The following SETD7 variants were observed in gnomAD, a reference collection of about 807,000 sequenced individuals.
SETD7 encodes the protein histone-lysine N-methyltransferase SETD7.
In SETD7, 16 loss-of-function variants were observed where a neutral mutation model predicts 41.8. The ratio of observed to expected loss-of-function variants is 0.38; its 90% CI spans 0.26 to 0.58. The LOEUF is 0.58. SETD7 is among the 20% of genes least tolerant of loss of function. The probability of loss-of-function intolerance (pLI) is 0.64; values close to 1 mark genes in which losing one functional copy is unlikely to be tolerated. For synonymous variants in SETD7, 163 were observed against 169.7 expected, an observed-to-expected ratio of 0.96 and a Z score of 0.31; for missense variants, 346 against 459.7, an observed-to-expected ratio of 0.75 and a Z score of 2.26.
intron 6 of SETD7, among the ~76,000 whole-genome samples, chr4:139,519,523 C>T (rs1026434771): frequency 3.9e-5 from 6 of 152,206 alleles, no homozygotes; most frequent in South Asian, 2.1e-4. Flanking sequence ...AGTTTGAATA[C>T]GTCGCCCTCT....
downstream of SETD7, among the ~76,000 whole-genome samples, chr4:139,504,222 AGATG>A (rs1456637170): frequency 1.3e-5 from 2 of 152,260 alleles, 1 homozygote; most frequent in East Asian, 3.8e-4. Context: ...GTAGCAATCT[AGATG>A]GATCCATTAA....
intron 1 of SETD7, among the ~76,000 whole-genome samples, chr4:139,554,092 T>C (rs932319661): frequency 1.3e-5 from 2 of 152,312 alleles, no homozygotes; most frequent in Middle Eastern, 3.4e-3. Context: ...TGAGTGACCA[T>C]GTGTCCCAGA....
intron 3 of SETD7, among the ~76,000 whole-genome samples, chr4:139,529,730 C>A (rs4863659): frequency 0.033 from 4,958 of 152,254 alleles, 273 homozygotes; most frequent in African/African-American, 0.11. Flanking sequence ...TTCAAATGTA[C>A]TTAAGAATTA....
At chr4:139,544,260 T>C (rs1727865459) in intron 2 of SETD7, among the ~76,000 whole-genome samples, 1 of 146,428 alleles carries the variant, frequency 6.8e-6, no homozygotes, top group African/African-American at 2.5e-5. Flanking sequence ...GGCACTGCAC[T>C]CCAGCCTGGG....
intron 4 of SETD7, among the ~76,000 whole-genome samples, chr4:139,524,650 A>G (rs1356896806): frequency 6.6e-6 from 1 of 152,106 alleles, no homozygotes; most frequent in Non-Finnish European, 1.5e-5. Flanking sequence ...CTTTGGCCAA[A>G]CTCAGACAGA....
At chr4:139,533,805 T>C (rs1476799724) in intron 2 of SETD7, among the ~76,000 whole-genome samples, 1 of 152,218 alleles carries the variant, frequency 6.6e-6, no homozygotes. Context: ...TAATCTCTAA[T>C]GATAGAAATG....
rs1726771219 is a variant in SETD7, at chr4:139,508,466, A to G, written c.*3197T>C. On this transcript the variant is annotated 3_prime_UTR_variant, in exon 8 of 8. Coordinates refer to ENST00000274031, the MANE Select transcript of SETD7 (RefSeq NM_030648.4). ...TTTTTGTTAGTCCATTCAAATGTCC[A>G]TTTGGGGACATGCTCCTACAGGTTA... 1 of 152,172 alleles carries G rather than the reference A, an allele frequency of 6.6e-6. No individual in the cohort carries two copies. Among genetic ancestry groups the G allele is most frequent in the Non-Finnish European group, 1.5e-5 (1 of 68,028 alleles). 9.4% of individuals were successfully genotyped at this position (152,172 alleles called of 1,614,324 possible). A position where few individuals can be genotyped will look rare whatever the true frequency, so the allele number is the denominator to read the frequency against.
intron 7 of SETD7, among the ~76,000 whole-genome samples, chr4:139,517,024 T>C (rs1209836850): frequency 6.6e-6 from 1 of 152,256 alleles, no homozygotes; most frequent in Non-Finnish European, 1.5e-5. Context: ...TCACTTAGCA[T>C]AGTGTCTACA....
Position 139,506,290 on chromosome 4 carries a change from G to T in SETD7, c.*5373C>A, listed in dbSNP as rs1466616816. 6.6e-6 allele frequency: 1 copy of T among 152,530 alleles called. No homozygotes were observed. Among genetic ancestry groups the T allele is most frequent in the Non-Finnish European group, 1.5e-5 (1 of 68,012 alleles). 9.4% of individuals were successfully genotyped at this position (152,530 alleles called of 1,614,324 possible). A position where few individuals can be genotyped will look rare whatever the true frequency, so the allele number is the denominator to read the frequency against. On this transcript the variant is annotated 3_prime_UTR_variant, in exon 8 of 8. Coordinates refer to ENST00000274031, the MANE Select transcript of SETD7 (RefSeq NM_030648.4). ...CATAGAATTATAGATATTGAATAAG[G>T]CTCATAGTTTTAGTTCAAATTCCAC...
intron 7 of SETD7, among the ~76,000 whole-genome samples, chr4:139,498,677 T>A (rs1407637732): frequency 6.6e-6 from 1 of 152,226 alleles, no homozygotes; most frequent in Non-Finnish European, 1.5e-5. Context: ...GACTTTCTCC[T>A]GCCCTTCTGT....
Position 139,511,762 on chromosome 4 carries a change from G to A in SETD7, c.1002C>T (p.Ala334=), listed in dbSNP as rs748209181. 2.5e-6 allele frequency: 4 copies of A among 1,614,190 alleles called. 1 individual carries two copies. Among genetic ancestry groups the A allele is most frequent in the South Asian group, 2.2e-5 (2 of 91,084 alleles). The change falls in exon 8 of 8, where the codon GCC becomes GCT. Residue 334 remains alanine (A), a synonymous_variant. Coordinates refer to ENST00000274031, the MANE Select transcript of SETD7 (RefSeq NM_030648.4). ...CGGGGGGGCTGTGGTCATAGCCATA[G>A]GCAACGGTGAGCTCTTCATCGGCCT... ...AVEADEELTV[A]YGYDHSPPGK... is the part of the protein sequence containing the mutation.
intron 7 of SETD7, among the ~76,000 whole-genome samples, chr4:139,514,226 A>G (rs1187540358): frequency 6.6e-6 from 1 of 152,178 alleles, no homozygotes; most frequent in African/African-American, 2.4e-5. Flanking sequence ...CAGAGGTTGC[A>G]GTGAGCTGAC....
chr4:139,549,528 C>T (rs973445538), intron 1 of SETD7, among the ~76,000 whole-genome samples: 34 of 151,972 alleles, frequency 2.2e-4, no homozygotes, highest in African/African-American at 7.5e-4. Context: ...TCCTTCCTTC[C>T]TCCCTTTTTG....
chr4:139,537,635 CA>C (rs1470018493), intron 2 of SETD7, among the ~76,000 whole-genome samples: 1 of 152,076 alleles, frequency 6.6e-6, no homozygotes, highest in Admixed American at 6.6e-5. Context: ...TTTATGGGAA[CA>C]AATTAGGAAA....
At position 139,511,743 on chromosome 4, in the gene SETD7, G is replaced by C. The variant is rs751456489; in HGVS notation, c.1021C>G (p.Pro341Ala). ...GCTTCAGGCCCACTCTTCCCGGGGGGGCTGTGGTCATAGCCATAGGCAACG... is the reference window on the plus strand; with the variant it reads ...GCTTCAGGCCCACTCTTCCCGGGGGCGCTGTGGTCATAGCCATAGGCAACG... ...LTVAYGYDHS[P>A]PGKSGPEAPE... is the part of the protein sequence containing the mutation. The change falls in exon 8 of 8, where the codon CCC becomes GCC. Residue 341 changes from proline (P) to alanine (A), a missense_variant. Physicochemically the swap from Pro to Ala is conservative, Grantham distance 27. Transcript: ENST00000274031. 38 of 1,614,016 alleles carry C rather than the reference G, an allele frequency of 2.4e-5. No individual in the cohort carries two copies. The highest frequency in any genetic ancestry group is 3.0e-5 in the Non-Finnish European group (35 of 1,180,018).
intron 4 of SETD7, among the ~76,000 whole-genome samples, chr4:139,527,429 A>T (rs1727363741): frequency 6.6e-6 from 1 of 152,152 alleles, no homozygotes; most frequent in African/African-American, 2.4e-5. Flanking sequence ...ATTGTGGTGC[A>T]TGCCTGTAGT....
In SETD7 at chr4:139,546,948, G is replaced by T. The variant is rs201937432; in HGVS notation, c.142C>A (p.Arg48=). ...CCATCAAAGAAGAAGAACTTCCCCCGTCCGTTCTTTTCTCCGTGAACAAAG... is the reference window on the plus strand; with the variant it reads ...CCATCAAAGAAGAAGAACTTCCCCCTTCCGTTCTTTTCTCCGTGAACAAAG... The part of the protein sequence containing the change: ...GNFVHGEKNG[R]GKFFFFDGST... Residue 48 remains arginine (R), a synonymous_variant, in exon 2 of 8, where the codon CGG becomes AGG. Coordinates refer to ENST00000274031, the MANE Select transcript of SETD7 (RefSeq NM_030648.4). 6.2e-7 allele frequency: 1 copy of T among 1,614,120 alleles called. No homozygotes were observed. Among genetic ancestry groups the T allele is most frequent in the Admixed American group, 1.7e-5 (1 of 60,016 alleles).
In SETD7 at chr4:139,507,824, T is replaced by C. The variant is rs951374023; in HGVS notation, c.*3839A>G. On this transcript the variant is annotated 3_prime_UTR_variant, in exon 8 of 8. Coordinates refer to ENST00000274031, the MANE Select transcript of SETD7 (RefSeq NM_030648.4). ...ACCCCAAGTAGATGTAAATTTGATA[T>C]ACTTTGTGAACCTTTGATCTGTGGC... The C allele has an allele frequency of 6.6e-6, 1 of 152,384 alleles. No homozygotes were observed. Among genetic ancestry groups the C allele is most frequent in the Non-Finnish European group, 1.5e-5 (1 of 68,046 alleles). 9.4% of individuals were successfully genotyped at this position (152,384 alleles called of 1,614,324 possible). A position where few individuals can be genotyped will look rare whatever the true frequency, so the allele number is the denominator to read the frequency against.
chr4:139,545,901 CT>C (rs1727929837), intron 2 of SETD7, among the ~76,000 whole-genome samples: 3 of 152,334 alleles, frequency 2.0e-5, no homozygotes, highest in Admixed American at 2.0e-4. Flanking sequence ...ACCAACGGGT[CT>C]GAAAATAGCT....
Sources: allele counts gnomAD v4.1 joint callset (sites outside exome capture counted in the v4.1 genomes callset), GRCh38; gene constraint gnomAD v4.1.1; transcripts MANE v1.5; gene names NCBI Gene and HGNC (gene_info 2026-07-23, HGNC 2026-07-21).